Variants in ADGRA1 observed in about 807,000 individuals in gnomAD.
ADGRA1 encodes the protein G-protein coupled receptor 123.
In ADGRA1, 12 loss-of-function variants were observed where a neutral mutation model predicts 21.3. The observed-to-expected ratio is 0.56, with a 90% CI of 0.36 to 0.91. The LOEUF (loss-of-function observed/expected upper bound fraction) is 0.91, where lower values mean the gene tolerates loss of function less well. Ranked by LOEUF, ADGRA1 falls within the 40% of genes least tolerant of loss-of-function variation. ADGRA1 has a pLI of 0.01. For missense variants in ADGRA1, 790 were observed against 805.6 expected (o/e 0.98, Z 0.23); for synonymous variants, 385 against 368.8 (o/e 1.04, Z -0.50).
rs193092400 is a variant in ADGRA1, at chr10:133,094,603, C to T, written c.4-2371C>T. ...ACAGATGAGAACGAAGTCCTTGTTCCAGGCGACTCACTGAGGAAATGCTCC... is the reference window on the plus strand; with the variant it reads ...ACAGATGAGAACGAAGTCCTTGTTCTAGGCGACTCACTGAGGAAATGCTCC... On this transcript the variant is annotated intron_variant, in intron 2 of 6. Transcript: ENST00000392607. Among the ~76,000 whole-genome samples the T allele has an allele frequency of 1.7e-3, 259 of 152,298 alleles. 3 individuals carry two copies. Among genetic ancestry groups the T allele is most frequent in the Non-Finnish European group, 1.8e-3 (121 of 68,018 alleles).
intron 2 of ADGRA1, chr10:133,095,688 C>T (rs1591167156): frequency 6.3e-7 from 1 of 1,597,522 alleles, no homozygotes; most frequent in African/African-American, 1.3e-5. Context: ...TCTAGCCAGC[C>T]AGGGCCTCGT....
chr10:133,089,655 C>T (rs1656276369), intron 2 of ADGRA1, among the ~76,000 whole-genome samples: 1 of 152,232 alleles, frequency 6.6e-6, no homozygotes, highest in Non-Finnish European at 1.5e-5. Flanking sequence ...CTAGAATGTG[C>T]GGCCGCCACA....
chr10:133,123,827 C>T (rs1852322868), intron 5 of ADGRA1, among the ~76,000 whole-genome samples: 1 of 152,126 alleles, frequency 6.6e-6, no homozygotes, highest in Non-Finnish European at 1.5e-5. Flanking sequence ...GGGATCTCTG[C>T]CCTCCCTTTT....
At chr10:133,093,997 ATC>A (rs1319593082) in intron 2 of ADGRA1, among the ~76,000 whole-genome samples, 1 of 152,268 alleles carries the variant, frequency 6.6e-6, no homozygotes. Flanking sequence ...CAAATCACAC[ATC>A]TGTTTCTTAT....
intron 2 of ADGRA1, among the ~76,000 whole-genome samples, chr10:133,091,021 G>T (rs1291138634): frequency 6.6e-6 from 1 of 152,214 alleles, no homozygotes; most frequent in Non-Finnish European, 1.5e-5. Flanking sequence ...CTGTGTCTCC[G>T]TCACCACTGT....
rs187573715 is a variant in ADGRA1, at chr10:133,093,936, G to T, written c.4-3038G>T. Reference sequence around the variant, plus strand: ...ATGTCACCTCTGAAAATGTAGACAGGCACTGTTGATAACTGTAATTTGGAG... The same window carrying T: ...ATGTCACCTCTGAAAATGTAGACAGTCACTGTTGATAACTGTAATTTGGAG... On this transcript the variant is annotated intron_variant, in intron 2 of 6. Coordinates refer to ENST00000392607, the MANE Select transcript of ADGRA1 (RefSeq NM_001083909.3). Among the ~76,000 whole-genome samples the T allele has an allele frequency of 3.3e-3, 497 of 152,382 alleles. 2 individuals carry two copies. The highest frequency in any genetic ancestry group is 6.8e-3 in the Middle Eastern group (2 of 294).
At position 133,131,284 on chromosome 10, in the gene ADGRA1, C is replaced by T. The variant is rs550632940; in HGVS notation, c.*1773C>T. 6 of 152,406 alleles carry T rather than the reference C, an allele frequency of 3.9e-5. No homozygotes were observed. The South Asian group carries it at 1.2e-3, about 32-fold the overall frequency. 9.4% of individuals were successfully genotyped at this position (152,406 alleles called of 1,614,324 possible). ...GTCCTTACAGGTCGACCAGACGGGC[C>T]GTCGGAGGACCACCAGGTGGCTCTG... On this transcript the variant is annotated 3_prime_UTR_variant, in exon 7 of 7. Coordinates refer to ENST00000392607, the MANE Select transcript of ADGRA1 (RefSeq NM_001083909.3).
rs1591193450 is a variant in ADGRA1 at position 133,129,629 on chromosome 10, C to A, written c.*118C>A. 3.8e-6 allele frequency: 2 copies of A among 528,762 alleles called. No homozygotes were observed. The highest frequency in any genetic ancestry group is 6.6e-5 in the East Asian group (2 of 30,200). 32.8% of individuals were successfully genotyped at this position (528,762 alleles called of 1,614,324 possible). A position where few individuals can be genotyped will look rare whatever the true frequency, so the allele number is the denominator to read the frequency against. On this transcript the variant is annotated 3_prime_UTR_variant, in exon 7 of 7. Transcript: ENST00000392607. ...CCCCGCCTTTCAGAAGCCGTTCACA[C>A]CCCTGCCCCTTCCTTGTGATCACAC...
chr10:133,122,811 G>A (rs937593849), intron 5 of ADGRA1, among the ~76,000 whole-genome samples: 2 of 150,548 alleles, frequency 1.3e-5, no homozygotes, highest in African/African-American at 2.5e-5. Flanking sequence ...CCAGGCACAC[G>A]CATCCCCAGG....
rs1258321762 is a variant in ADGRA1 at position 133,129,778 on chromosome 10, C to T, written c.*267C>T. ...ACGCCCACTCCCCTTATCCCAATTCCGCGTGCTGGTCCCGCACACGGTCAT... is the reference window on the plus strand; with the variant it reads ...ACGCCCACTCCCCTTATCCCAATTCTGCGTGCTGGTCCCGCACACGGTCAT... On this transcript the variant is annotated 3_prime_UTR_variant, in exon 7 of 7. Coordinates refer to ENST00000392607, the MANE Select transcript of ADGRA1 (RefSeq NM_001083909.3). The T allele has an allele frequency of 4.4e-6, 2 of 453,984 alleles. No homozygotes were observed. Among genetic ancestry groups the T allele is most frequent in the South Asian group, 3.0e-5 (1 of 32,912 alleles). The allele number at this position is 453,984 out of a possible 1,614,324, so 28.1% of individuals were successfully genotyped here.
At chr10:133,112,055 C>CCCACCA (rs1852041305) in intron 5 of ADGRA1, among the ~76,000 whole-genome samples, 2 of 151,694 alleles carry the variant, frequency 1.3e-5, no homozygotes, top group Non-Finnish European at 3.0e-5. Context: ...CACCTGCCTG[C>CCCACCA]CATGGGCATC....
At chr10:133,105,367 T>C (rs1246325516) in intron 5 of ADGRA1, among the ~76,000 whole-genome samples, 1 of 151,860 alleles carries the variant, frequency 6.6e-6, no homozygotes, top group Non-Finnish European at 1.5e-5. Context: ...CCGGCCCAGC[T>C]CTGCAAGTGT....
At chr10:133,113,218 C>T (rs201923238) in intron 5 of ADGRA1, among the ~76,000 whole-genome samples, 230 of 82,364 alleles carry the variant, frequency 2.8e-3, no homozygotes, top group African/African-American at 0.01. Flanking sequence ...TTGAGGTCTG[C>T]GGGCCGCGTC....
At chr10:133,097,818 G>A (rs1314923404) in intron 3 of ADGRA1, among the ~76,000 whole-genome samples, 1 of 152,198 alleles carries the variant, frequency 6.6e-6, no homozygotes, top group Non-Finnish European at 1.5e-5. Context: ...TCTGGAGAGG[G>A]CCAGCTCCAG....
At chr10:133,118,328 C>T (rs1852194306) in intron 5 of ADGRA1, among the ~76,000 whole-genome samples, 1 of 152,198 alleles carries the variant, frequency 6.6e-6, no homozygotes, top group African/African-American at 2.4e-5. Flanking sequence ...TAGTCAACTA[C>T]AGTAGAGTAT....
chr10:133,112,400 CGT>C, intron 5 of ADGRA1, among the ~76,000 whole-genome samples: 1 of 128,654 alleles, frequency 7.8e-6, no homozygotes, highest in South Asian at 2.5e-4. Context: ...CTACGGGCCG[CGT>C]CCGTTATTTG....
intron 5 of ADGRA1, among the ~76,000 whole-genome samples, chr10:133,105,640 G>C (rs2135882203): frequency 6.6e-6 from 1 of 152,302 alleles, no homozygotes; most frequent in South Asian, 2.1e-4. Context: ...GTGTGAGCAG[G>C]GGGGATGCCC....
chr10:133,111,783 C>CCCACCAGACAA (rs1564849369), intron 5 of ADGRA1, among the ~76,000 whole-genome samples: 1 of 120,386 alleles, frequency 8.3e-6, no homozygotes, highest in Non-Finnish European at 1.6e-5. Context: ...CCCTCCTAAT[C>CCCACCAGACAA]CCTCCAGACC....
intron 5 of ADGRA1, among the ~76,000 whole-genome samples, chr10:133,106,639 G>A (rs1851897921): frequency 6.6e-6 from 1 of 152,278 alleles, no homozygotes. Flanking sequence ...CCAGCCATGA[G>A]ATGCTGGCTT....
Sources: gnomAD v4.1 joint callset for allele counts (sites outside exome capture counted in the v4.1 genomes callset) on GRCh38, gnomAD v4.1.1 for gene constraint, MANE v1.5 for transcripts, NCBI Gene and HGNC (gene_info 2026-07-23, HGNC 2026-07-21) for gene names.